The following ERCC6L2 variants were observed in gnomAD, a reference collection of about 807,000 sequenced individuals.
ERCC6L2 encodes the protein ERCC excision repair 6 like 2, also known as DNA excision repair protein ERCC-6-like 2.
In ERCC6L2, 77 loss-of-function variants were observed where a neutral mutation model predicts 132.0. The ratio of observed to expected loss-of-function variants is 0.58; its 90% CI spans 0.49 to 0.71. The LOEUF is 0.71. Ranked by LOEUF, ERCC6L2 falls within the 30% of genes least tolerant of loss-of-function variation. The pLI, the probability that ERCC6L2 is intolerant of heterozygous loss-of-function variation, is 0.00. For missense variants in ERCC6L2, 1,542 were observed against 1,837.6 expected (o/e 0.84, Z 2.94); for synonymous variants, 583 against 632.4 (o/e 0.92, Z 1.17).
At chr9:95,898,021 A>C (rs1461174045) in intron 3 of ERCC6L2, 50 bp downstream of exon 3, 1 of 1,474,192 alleles carries the variant, frequency 6.8e-7, no homozygotes, top group Non-Finnish European at 9.2e-7. Flanking sequence ...GGTATTACAA[A>C]AGCATATAGA....
chr9:95,976,539 C>G (rs1163813112), intron 16 of ERCC6L2, among the ~76,000 whole-genome samples: 2 of 152,170 alleles, frequency 1.3e-5, no homozygotes, highest in African/African-American at 4.8e-5. Flanking sequence ...GTCAGGTACC[C>G]TGTTGCTTCC....
chr9:96,001,849 C>A (rs996058337), intron 17 of ERCC6L2, among the ~76,000 whole-genome samples: 1 of 152,238 alleles, frequency 6.6e-6, no homozygotes, highest in African/African-American at 2.4e-5. Context: ...GGCTGCAGGT[C>A]CTGAGCCCTG....
rs372329842 is a variant in ERCC6L2, at chr9:96,004,007, C to T, written c.3493-513C>T. Among the ~76,000 whole-genome samples, 12 of 152,290 alleles carry T rather than the reference C, an allele frequency of 7.9e-5. No individual in the cohort carries two copies. The East Asian group carries it at 2.3e-3, about 29-fold the overall frequency. On this transcript the variant is annotated intron_variant, in intron 17 of 18. Transcript: ENST00000653738. ...CTATAATTCAGCCAACTGTAGTTAG[C>T]ATCTCAAAATCACTAAATATTCTTG...
intron 2 of ERCC6L2, among the ~76,000 whole-genome samples, chr9:95,893,637 A>T (rs1828285950): frequency 6.6e-6 from 1 of 152,124 alleles, no homozygotes; most frequent in Non-Finnish European, 1.5e-5. Flanking sequence ...TCATGGTTTT[A>T]TGAGTATTTA....
chr9:95,942,019 T>G (rs1056687584), intron 12 of ERCC6L2, among the ~76,000 whole-genome samples: 5 of 152,182 alleles, frequency 3.3e-5, no homozygotes, highest in African/African-American at 1.2e-4. Context: ...GTCCTGACTC[T>G]AATACAAATT....
chr9:95,990,428 G>T (rs572333865), intron 17 of ERCC6L2, among the ~76,000 whole-genome samples: 136 of 152,306 alleles, frequency 8.9e-4, no homozygotes, highest in African/African-American at 3.1e-3. Context: ...AGACTCGGAG[G>T]GGGGGTCCAT....
In ERCC6L2 at chr9:95,880,954, G is replaced by A. The variant is rs769988482; in HGVS notation, c.132G>A (p.Val44=). The change falls in exon 2 of 19, where the codon GTG becomes GTA. Residue 44 remains valine, a synonymous_variant. Transcript: ENST00000653738. ...LCEASIKSIT[V]DENGKSFAVV... is the part of the protein sequence containing the mutation. The stretch of plus-strand genomic sequence containing the variant: ...AAGCAAGCATAAAATCTATCACAGT[G>A]GATGAAAATGGCAAGTCATTTGCAG... 7 of 1,613,804 alleles carry A rather than the reference G, an allele frequency of 4.3e-6. No homozygotes were observed. In the African/African-American group the frequency reaches 6.7e-5, roughly 15 times the overall value.
At chr9:96,008,063 C>G (rs986539773) in intron 18 of ERCC6L2, among the ~76,000 whole-genome samples, 4 of 152,146 alleles carry the variant, frequency 2.6e-5, no homozygotes, top group African/African-American at 4.8e-5. Context: ...GTGTACCTAC[C>G]CACAGAACAG....
intron 17 of ERCC6L2, among the ~76,000 whole-genome samples, chr9:95,993,527 T>TC (rs1377737249): frequency 6.6e-6 from 1 of 152,090 alleles, no homozygotes; most frequent in Non-Finnish European, 1.5e-5. Flanking sequence ...ATTCACCTGC[T>TC]CCCCCCAATG....
At chr9:96,020,758 T>G (rs567427373), downstream of ERCC6L2, 42 of 456,596 alleles carry the variant, frequency 9.2e-5, no homozygotes, top group East Asian at 2.7e-3. Flanking sequence ...ACTTCCAAAC[T>G]GTGGGGATGG....
chr9:96,038,555 TG>T (rs1455167676), intron 19 of ERCC6L2, among the ~76,000 whole-genome samples: 3 of 152,190 alleles, frequency 2.0e-5, no homozygotes, highest in Non-Finnish European at 4.4e-5. Flanking sequence ...CATGGCCATC[TG>T]GGATTGGTCT....
intron 19 of ERCC6L2, among the ~76,000 whole-genome samples, chr9:96,035,383 T>G (rs1834507523): frequency 6.6e-6 from 1 of 152,076 alleles, no homozygotes; most frequent in Non-Finnish European, 1.5e-5. Context: ...GCACTTCCTC[T>G]CCTCTGAGGG....
intron 19 of ERCC6L2, chr9:96,025,636 T>C (rs745919483): frequency 2.0e-5 from 3 of 152,240 alleles, no homozygotes; most frequent in Admixed American, 6.5e-5. Flanking sequence ...TTTTGCCCAT[T>C]GAAGTTTTGT....
intron 17 of ERCC6L2, among the ~76,000 whole-genome samples, chr9:95,997,139 A>G (rs1228378244): frequency 6.6e-6 from 1 of 151,396 alleles, no homozygotes; most frequent in African/African-American, 2.5e-5. Context: ...TCTCTGGTGG[A>G]CTTGGGCAAA....
chr9:96,025,438 C>T lies in ERCC6L2; in HGVS notation c.*1504-13438C>T, dbSNP rs190628352. ...ACTGAGTGGGTCAGGCGGTGGGGCT[C>T]AGGTTCAGTGTGATCCGGAATGCCT... On this transcript the variant is annotated intron_variant and NMD_transcript_variant, in intron 19 of 20. Coordinates refer to the ERCC6L2 transcript ENST00000670016. 1.4e-3 allele frequency among the ~76,000 whole-genome samples: 217 copies of T among 152,326 alleles called. 4 individuals are homozygous for T. The highest frequency in any genetic ancestry group is 2.2e-3 in the Non-Finnish European group (151 of 68,028).
At chr9:95,892,479 G>C (rs1028646244) in intron 2 of ERCC6L2, among the ~76,000 whole-genome samples, 1 of 148,726 alleles carries the variant, frequency 6.7e-6, no homozygotes, top group Non-Finnish European at 1.5e-5. Flanking sequence ...AGGCTGGAGC[G>C]TGGTGGTGAT....
intron 12 of ERCC6L2, among the ~76,000 whole-genome samples, chr9:95,945,054 A>T (rs965244848): frequency 6.6e-6 from 1 of 152,192 alleles, no homozygotes; most frequent in Non-Finnish European, 1.5e-5. Flanking sequence ...GGTCTGACCA[A>T]AATTTATTAG....
intron 4 of ERCC6L2, among the ~76,000 whole-genome samples, chr9:95,908,871 G>T (rs1008943590): frequency 6.6e-6 from 1 of 152,078 alleles, no homozygotes; most frequent in Non-Finnish European, 1.5e-5. Flanking sequence ...TTTTTTTAAG[G>T]TGATACTTTC....
chr9:96,036,256 A>C (rs887145045), intron 19 of ERCC6L2, among the ~76,000 whole-genome samples: 9 of 152,002 alleles, frequency 5.9e-5, no homozygotes, highest in African/African-American at 2.2e-4. Context: ...TATGAATCTG[A>C]CAACTCTATG....
Sources: allele counts gnomAD v4.1 joint callset (sites outside exome capture counted in the v4.1 genomes callset), GRCh38; gene constraint gnomAD v4.1.1; transcripts MANE v1.5; gene names NCBI Gene and HGNC (gene_info 2026-07-23, HGNC 2026-07-21).